WDFY4: variants seen among roughly 807,000 people sequenced by gnomAD.
The protein encoded by WDFY4 is WDFY family member 4.
A neutral mutation model predicts 351.9 loss-of-function variants in WDFY4; 169 were observed. The observed-to-expected ratio is 0.48, with a 90% CI of 0.42 to 0.55. The LOEUF (loss-of-function observed/expected upper bound fraction) is 0.55, where lower values mean the gene tolerates loss of function less well. Ranked by LOEUF, WDFY4 falls within the 20% of genes least tolerant of loss-of-function variation. The pLI is 0.00. For missense variants in WDFY4, 3,803 were observed against 3,935.6 expected (o/e 0.97, Z 0.90); for synonymous variants, 1,622 against 1,574.6 (o/e 1.03, Z -0.71).
intron 24 of WDFY4, among the ~76,000 whole-genome samples, chr10:48,797,290 G>A (rs1289681571): frequency 2.0e-5 from 3 of 152,170 alleles, no homozygotes; most frequent in Non-Finnish European, 4.4e-5. Flanking sequence ...CAGGCCCAAG[G>A]GGTTAGACTG....
chr10:48,841,449 T>C (rs1264413663), intron 39 of WDFY4, among the ~76,000 whole-genome samples: 1 of 152,232 alleles, frequency 6.6e-6, no homozygotes, highest in Non-Finnish European at 1.5e-5. Context: ...ATTCTCTAGC[T>C]GAGCTTTCCC....
chr10:48,874,550 T>C (rs1443444722), intron 41 of WDFY4, among the ~76,000 whole-genome samples: 1 of 152,212 alleles, frequency 6.6e-6, no homozygotes, highest in Non-Finnish European at 1.5e-5. Flanking sequence ...AAATTAGATT[T>C]CATTTATTCA....
Position 48,820,105 on chromosome 10 carries a change from G to C in WDFY4, c.5506-129G>C, listed in dbSNP as rs541104040. 5.7e-6 allele frequency: 6 copies of C among 1,045,334 alleles called. No individual in the cohort carries two copies. In the East Asian group the frequency reaches 7.9e-5, roughly 14 times the overall value. The allele number at this position is 1,045,334 out of a possible 1,614,324, so 64.8% of individuals were successfully genotyped here. ...TGGATCCTGGGCAAGTTGCTTTCCT[G>C]TGCGGAGCCTCAATTTCCGTACATG... On this transcript the variant is annotated intron_variant, in intron 32 of 61. Transcript: ENST00000325239.
chr10:48,817,232 A>G lies in WDFY4; in HGVS notation c.5341-13A>G, dbSNP rs990685377. ...ATGCTGCCCTGCACTACCTCTCACC[A>G]AGTGTGCCTCAGCCCCTGGCAGGTT... On this transcript the variant is annotated splice_polypyrimidine_tract_variant and intron_variant, in intron 31 of 61. Coordinates refer to ENST00000325239, the MANE Select transcript of WDFY4 (RefSeq NM_001394531.1). 2.7e-5 allele frequency: 42 copies of G among 1,551,024 alleles called. No homozygotes were observed. The highest frequency in any genetic ancestry group is 3.4e-5 in the Non-Finnish European group (39 of 1,146,724).
chr10:48,845,759 T>G (rs1267004298), intron 39 of WDFY4, among the ~76,000 whole-genome samples: 1 of 152,140 alleles, frequency 6.6e-6, no homozygotes, highest in Admixed American at 6.5e-5. Flanking sequence ...AATAAGGAAA[T>G]GAGATCAGGA....
intron 33 of WDFY4, 116 bp downstream of exon 33, chr10:48,820,553 G>A: frequency 8.7e-7 from 1 of 1,153,104 alleles, no homozygotes; most frequent in Non-Finnish European, 1.2e-6. Context: ...AGCGAGTGAA[G>A]GGGAATCTGT....
At chr10:48,736,654 C>A (rs139740459) in intron 11 of WDFY4, among the ~76,000 whole-genome samples, 7 of 152,214 alleles carry the variant, frequency 4.6e-5, no homozygotes, top group African/African-American at 1.7e-4. Context: ...AATTGTGATA[C>A]AACCCTTGCC....
chr10:48,918,257 C>A (rs540755701), intron 47 of WDFY4, among the ~76,000 whole-genome samples: 16 of 152,184 alleles, frequency 1.1e-4, no homozygotes, highest in Admixed American at 9.8e-4. Context: ...GTGAAAGTGA[C>A]CTACATGCTC....
At position 48,727,501 on chromosome 10, in the gene WDFY4, C is replaced by G; in HGVS notation, c.813C>G (p.Asn271Lys). 6.4e-7 allele frequency: 1 copy of G among 1,551,756 alleles called. No homozygotes were observed. The highest frequency in any genetic ancestry group is 8.7e-7 in the Non-Finnish European group (1 of 1,147,004). The change falls in exon 7 of 62, where the codon AAC becomes AAG. Residue 271 changes from asparagine to lysine, a missense_variant. Asn to Lys is a moderately conservative substitution (Grantham distance 94). This residue lies in a region of WDFY4 where 488 missense variants were observed against 456.8 expected (regional missense o/e 1.07). Transcript: ENST00000325239. Reference protein sequence around the residue: ...ATDCVRLSLQNLSRLTDTLPA... With the variant: ...ATDCVRLSLQKLSRLTDTLPA... ...ACTGTGTCAGGCTCTCCCTCCAGAA[C>G]CTCTCCAGGCTCACGGACACTCTCC... is the stretch of plus-strand genomic sequence containing the variant.
intron 13 of WDFY4, among the ~76,000 whole-genome samples, chr10:48,770,054 T>C (rs896718768): frequency 1.3e-5 from 2 of 152,216 alleles, no homozygotes; most frequent in Non-Finnish European, 2.9e-5. Context: ...GGTTTCCTGC[T>C]ACTGCTATCT....
intron 47 of WDFY4, among the ~76,000 whole-genome samples, chr10:48,921,476 A>G (rs1839071413): frequency 1.3e-5 from 2 of 152,366 alleles, no homozygotes; most frequent in African/African-American, 4.8e-5. Context: ...CATAGATTTG[A>G]ATGTAAAATG....
intron 47 of WDFY4, among the ~76,000 whole-genome samples, chr10:48,915,806 C>T (rs1838472312): frequency 2.0e-5 from 3 of 152,166 alleles, no homozygotes; most frequent in Admixed American, 2.0e-4. Flanking sequence ...GTTCTTAGCT[C>T]TTGGCAGCAT....
chr10:48,880,270 C>G (rs769156789), intron 43 of WDFY4, among the ~76,000 whole-genome samples: 55 of 152,224 alleles, frequency 3.6e-4, no homozygotes, highest in Non-Finnish European at 5.7e-4. Context: ...GCCTTTGACA[C>G]TTGTCCTGTC....
At chr10:48,908,591 A>G (rs1217476300) in intron 47 of WDFY4, among the ~76,000 whole-genome samples, 2 of 151,136 alleles carry the variant, frequency 1.3e-5, no homozygotes, top group Non-Finnish European at 2.9e-5. Flanking sequence ...GGGCAGATGT[A>G]TAAGGATCTA....
intron 23 of WDFY4, among the ~76,000 whole-genome samples, chr10:48,794,127 GGTTC>G (rs1168845014): frequency 6.6e-6 from 1 of 152,152 alleles, no homozygotes; most frequent in Non-Finnish European, 1.5e-5. Context: ...GGGGAACGTA[GGTTC>G]TGCCTCACAG....
At chr10:48,864,772 A>G (rs778409743) in intron 39 of WDFY4, among the ~76,000 whole-genome samples, 2 of 152,198 alleles carry the variant, frequency 1.3e-5, no homozygotes, top group Non-Finnish European at 2.9e-5. Flanking sequence ...TTCAGTGTAC[A>G]AGTTTTTCAT....
intron 48 of WDFY4, among the ~76,000 whole-genome samples, chr10:48,942,223 C>G (rs1012446432): frequency 5.9e-5 from 9 of 152,182 alleles, no homozygotes; most frequent in Admixed American, 3.9e-4. Context: ...CCTCAGCCAC[C>G]CAAAGGGCTG....
intron 52 of WDFY4, among the ~76,000 whole-genome samples, chr10:48,959,134 G>T (rs1342295534): frequency 1.3e-5 from 2 of 152,204 alleles, no homozygotes; most frequent in African/African-American, 2.4e-5. Flanking sequence ...CTTGTGCAAG[G>T]TTGGGCAGCT....
At chr10:48,966,781 A>G in intron 55 of WDFY4, 108 bp downstream of exon 55, 1 of 1,390,372 alleles carries the variant, frequency 7.2e-7, no homozygotes, top group Non-Finnish European at 9.6e-7. Context: ...AGTATTGGGG[A>G]CTGACTTTGA....
Sources: gnomAD v4.1 joint callset for allele counts (sites outside exome capture counted in the v4.1 genomes callset) on GRCh38, gnomAD v4.1.1 for gene constraint, gnomAD v4.1.1 regional missense constraint, MANE v1.5 for transcripts, NCBI Gene and HGNC (gene_info 2026-07-23, HGNC 2026-07-21) for gene names.